The following PCDHA5 variants were observed in gnomAD, a reference collection of about 807,000 sequenced individuals.
PCDHA5 encodes protocadherin alpha-5.
PCDHA5 carries 43 observed loss-of-function variants against 61.6 expected under a neutral mutation model. The observed-to-expected ratio is 0.70, with a 90% CI of 0.55 to 0.90. The LOEUF is 0.90. Ranked by LOEUF, PCDHA5 falls within the 40% of genes least tolerant of loss-of-function variation. The pLI is 0.00. For synonymous variants in PCDHA5, 627 were observed against 543.9 expected (o/e 1.15, Z -2.13); for missense variants, 1,298 against 1,222.7 (o/e 1.06, Z -0.92).
intron 1 of PCDHA5, chr5:140,877,311 G>T: frequency 6.2e-7 from 1 of 1,613,970 alleles, no homozygotes. Flanking sequence ...AGTTGCAACC[G>T]GCGGCGGTCG....
chr5:140,873,031 G>A (rs782124612), intron 1 of PCDHA5, among the ~76,000 whole-genome samples: 3 of 152,110 alleles, frequency 2.0e-5, no homozygotes, highest in East Asian at 1.9e-4. Context: ...CTTACTACAC[G>A]TAGAGTGGTG....
chr5:140,900,081 G>T (rs1306300563), intron 1 of PCDHA5, among the ~76,000 whole-genome samples: 1 of 152,062 alleles, frequency 6.6e-6, no homozygotes, highest in African/African-American at 2.4e-5. Context: ...AAGTGCTGCA[G>T]TTACAAGCAT....
At chr5:140,935,840 G>T (rs155359) in intron 1 of PCDHA5, among the ~76,000 whole-genome samples, 87,412 of 151,068 alleles carry the variant, frequency 0.58, 26,203 homozygotes, top group African/African-American at 0.75. Context: ...ATTCCATACT[G>T]CTTAATGGTG....
At chr5:140,862,318 A>G in intron 1 of PCDHA5, 1 of 317,904 alleles carries the variant, frequency 3.1e-6, no homozygotes, top group South Asian at 2.8e-5. Context: ...TCATAGCCCT[A>G]ATCAGTGTAA....
chr5:140,947,975 A>C lies in PCDHA5; in HGVS notation c.2353-30974A>C, dbSNP rs572156919. ...TTTTACAATTAAGTATGTGCTACTC[A>C]TAGGTTTTTCCCAAATACTTTATTA... On this transcript the variant is annotated intron_variant, in intron 1 of 3. Transcript: ENST00000529859. Among the ~76,000 whole-genome samples the C allele has an allele frequency of 2.7e-5, 4 of 150,726 alleles. No individual in the cohort carries two copies. In the East Asian group the frequency reaches 7.8e-4, roughly 29 times the overall value.
intron 3 of PCDHA5, among the ~76,000 whole-genome samples, chr5:140,985,957 T>A (rs2097180705): frequency 6.6e-6 from 1 of 152,084 alleles, no homozygotes. Context: ...GCCAGGATGG[T>A]CTCAATCTCC....
At chr5:140,835,382 T>C (rs2150234724) in intron 1 of PCDHA5, 2 of 1,613,964 alleles carry the variant, frequency 1.2e-6, no homozygotes, top group East Asian at 4.5e-5. Context: ...TGGCTGGTCA[T>C]TGTACAGTTC....
At chr5:140,898,970 C>T (rs2067071539) in intron 1 of PCDHA5, among the ~76,000 whole-genome samples, 2 of 152,006 alleles carry the variant, frequency 1.3e-5, no homozygotes, top group South Asian at 4.2e-4. Context: ...TGGGAGTTCA[C>T]TCATGATTTG....
At chr5:140,955,692 T>A (rs1021752704) in intron 1 of PCDHA5, among the ~76,000 whole-genome samples, 1 of 152,196 alleles carries the variant, frequency 6.6e-6, no homozygotes, top group African/African-American at 2.4e-5. Context: ...CTGTGATGAA[T>A]GTCAATGGAA....
chr5:140,907,693 G>A (rs573463032), intron 1 of PCDHA5, among the ~76,000 whole-genome samples: 49 of 152,318 alleles, frequency 3.2e-4, no homozygotes, highest in Non-Finnish European at 6.5e-4. Flanking sequence ...GTGAGTGGAA[G>A]TCCCTGTTGC....
chr5:140,852,913 C>G, intron 1 of PCDHA5: 9 of 789,792 alleles, frequency 1.1e-5, no homozygotes, highest in Non-Finnish European at 1.4e-5. Flanking sequence ...GAGTCTCGCT[C>G]TGTTGCCCAG....
chr5:140,857,354 G>A lies in PCDHA5; in HGVS notation c.2352+33227G>A, dbSNP rs1449369579. 2.5e-6 allele frequency: 4 copies of A among 1,598,262 alleles called. No homozygotes were observed. In the African/African-American group the frequency reaches 5.4e-5, roughly 22 times the overall value. ...GGACGGGGGCTCGCCTCCGCTGTGG[G>A]CCACGGCCAGCGTGTCTGTGGAGGT... On this transcript the variant is annotated intron_variant, in intron 1 of 3. Transcript: ENST00000529859.
intron 1 of PCDHA5, chr5:140,843,204 C>A (rs199959178): frequency 6.3e-7 from 1 of 1,596,052 alleles, no homozygotes; most frequent in South Asian, 1.1e-5. Flanking sequence ...GGGCTGTACA[C>A]GGGCGAGATC....
intron 1 of PCDHA5, chr5:140,856,389 A>G (rs1554148624): frequency 6.3e-7 from 1 of 1,598,440 alleles, no homozygotes; most frequent in African/African-American, 1.3e-5. Context: ...AGGCCGCTGC[A>G]GGTTTTCCAT....
chr5:140,843,712 C>T, intron 1 of PCDHA5: 1 of 1,569,886 alleles, frequency 6.4e-7, no homozygotes, highest in Non-Finnish European at 8.7e-7. Context: ...ATCATGGCCT[C>T]AAAGTAAGTC....
rs147430561 is a variant in PCDHA5, at chr5:140,928,238, A to G, written c.2353-50711A>G. 4.7e-4 allele frequency: 756 copies of G among 1,614,188 alleles called. 4 individuals carry two copies. The African/African-American group carries it at 9.0e-3, about 19-fold the overall frequency. Reference sequence around the variant, plus strand: ...AATACACCAAACTTTCCTCAACCCCAGCAGGAACTTTTCGTTGCTGAAAAC... The same window carrying G: ...AATACACCAAACTTTCCTCAACCCCGGCAGGAACTTTTCGTTGCTGAAAAC... On this transcript the variant is annotated intron_variant, in intron 1 of 3. Coordinates refer to ENST00000529859, the MANE Select transcript of PCDHA5 (RefSeq NM_018908.3).
At position 140,883,293 on chromosome 5, in the gene PCDHA5, A is replaced by G. The variant is rs1324977852; in HGVS notation, c.2352+59166A>G. On this transcript the variant is annotated intron_variant, in intron 1 of 3. Coordinates refer to ENST00000529859, the MANE Select transcript of PCDHA5 (RefSeq NM_018908.3). ...TGTACCCTTTTGGTGGAAGTACTAGATGTAAATGATAACGCCCCAGAGGTT... is the reference window on the plus strand; with the variant it reads ...TGTACCCTTTTGGTGGAAGTACTAGGTGTAAATGATAACGCCCCAGAGGTT... 2 of 1,614,102 alleles carry G rather than the reference A, an allele frequency of 1.2e-6. No homozygotes were observed. Among genetic ancestry groups the G allele is most frequent in the Non-Finnish European group, 1.7e-6 (2 of 1,180,026 alleles).
chr5:141,000,379 CTCTCTCTCTCTCTCTCTA>C (rs1224441934), intron 3 of PCDHA5, among the ~76,000 whole-genome samples: 4 of 60,364 alleles, frequency 6.6e-5, no homozygotes, highest in Non-Finnish European at 9.2e-5. Flanking sequence ...CTCTCTCTCT[CTCTCTCTCTCTCTCTCTA>C]TATATATATA....
At chr5:140,829,647 C>T (rs2150172016) in intron 1 of PCDHA5, 2 of 1,612,324 alleles carry the variant, frequency 1.2e-6, no homozygotes, top group East Asian at 4.5e-5. Context: ...AAGGTGTACG[C>T]GCTGCAGCCG....
Sources: gnomAD v4.1 joint callset for allele counts (sites outside exome capture counted in the v4.1 genomes callset) on GRCh38, gnomAD v4.1.1 for gene constraint, MANE v1.5 for transcripts, NCBI Gene and HGNC (gene_info 2026-07-23, HGNC 2026-07-21) for gene names.